Variants in RNF138 observed in about 807,000 individuals in gnomAD.
RNF138 encodes E3 ubiquitin-protein ligase RNF138.
RNF138 carries 12 observed loss-of-function variants against 31.0 expected under a neutral mutation model. The ratio of observed to expected loss-of-function variants is 0.39; its 90% CI spans 0.25 to 0.63. The LOEUF (loss-of-function observed/expected upper bound fraction) is 0.63. RNF138 is among the 20% of genes least tolerant of loss of function. The pLI is 0.52. For missense variants in RNF138, 192 were observed against 300.1 expected (o/e 0.64, Z 2.66); for synonymous variants, 105 against 99.5 (o/e 1.06, Z -0.33).
intron 2 of RNF138, among the ~76,000 whole-genome samples, chr18:32,102,445 C>T (rs1264155320): frequency 1.3e-5 from 2 of 151,936 alleles, no homozygotes; most frequent in Non-Finnish European, 2.9e-5. Context: ...TCGTGATCCG[C>T]CTGCCTCAGC....
At chr18:32,123,651 AC>A in intron 5 of RNF138, 77 bp downstream of exon 5, 1 of 1,005,250 alleles carries the variant, frequency 9.9e-7, no homozygotes, top group Non-Finnish European at 1.4e-6. Flanking sequence ...TTTAAATTAA[AC>A]TTTTTTTTTT....
intron 2 of RNF138, among the ~76,000 whole-genome samples, chr18:32,096,806 A>G (rs1043273438): frequency 6.6e-6 from 1 of 152,120 alleles, no homozygotes; most frequent in African/African-American, 2.4e-5. Flanking sequence ...AGCTTACTGC[A>G]GCCTCGACCT....
intron 4 of RNF138, among the ~76,000 whole-genome samples, chr18:32,120,678 A>AT (rs1330527932): frequency 6.6e-6 from 1 of 152,220 alleles, no homozygotes; most frequent in African/African-American, 2.4e-5. Context: ...AATGATGATG[A>AT]TGACAGTAAT....
intron 2 of RNF138, among the ~76,000 whole-genome samples, chr18:32,095,691 A>C (rs1261347503): frequency 1.3e-5 from 2 of 152,222 alleles, no homozygotes; most frequent in Non-Finnish European, 2.9e-5. Context: ...ACTACTGACT[A>C]TCCTAGTAAA....
Position 32,119,080 on chromosome 18 carries a change from T to G in RNF138, c.393-4438T>G, listed in dbSNP as rs997019680. On this transcript the variant is annotated intron_variant, in intron 4 of 7. Transcript: ENST00000261593. ...TCACATTTATTTGGGATGTATAATG[T>G]GAGGTAGGAAAAATTTTCCCCATGT... Among the ~76,000 whole-genome samples, 6 of 152,300 alleles carry G rather than the reference T, an allele frequency of 3.9e-5. No homozygotes were observed. In the South Asian group the frequency reaches 8.3e-4, roughly 21 times the overall value.
chr18:32,099,534 C>T (rs959330171), intron 2 of RNF138, among the ~76,000 whole-genome samples: 28 of 152,296 alleles, frequency 1.8e-4, no homozygotes, highest in Non-Finnish European at 3.2e-4. Context: ...TCCCGTGTAG[C>T]TGGAACTACA....
rs2040457405 is a variant in RNF138, at chr18:32,130,565, A to G, written c.*1378A>G. The G allele has an allele frequency of 6.6e-6, 1 of 152,488 alleles. No homozygotes were observed. Among genetic ancestry groups the G allele is most frequent in the South Asian group, 2.1e-4 (1 of 4,832 alleles). The allele number at this position is 152,488 out of a possible 1,614,324, so 9.4% of individuals were successfully genotyped here. ...TGCTTTCTTTAAAATAACTAGAAGA[A>G]CATAAAAGAAAGAGAATCTCAGAAG... On this transcript the variant is annotated 3_prime_UTR_variant, in exon 8 of 8. Transcript: ENST00000261593.
chr18:32,127,334 G>A (rs2040400035), intron 7 of RNF138, among the ~76,000 whole-genome samples: 1 of 152,126 alleles, frequency 6.6e-6, no homozygotes, highest in Non-Finnish European at 1.5e-5. Flanking sequence ...GGATTAATTT[G>A]TACTTCTAAA....
chr18:32,102,954 A>G (rs1016212201), intron 2 of RNF138, among the ~76,000 whole-genome samples: 1 of 152,158 alleles, frequency 6.6e-6, no homozygotes, highest in Admixed American at 6.6e-5. Context: ...CTAACAAAAT[A>G]GTTTTGTGAT....
intron 2 of RNF138, among the ~76,000 whole-genome samples, chr18:32,109,753 G>T (rs2040095806): frequency 6.6e-6 from 1 of 152,120 alleles, no homozygotes; most frequent in Non-Finnish European, 1.5e-5. Context: ...CGTCGCAGTG[G>T]TGCATGCCTG....
chr18:32,110,484 C>G (rs901944766), intron 2 of RNF138, among the ~76,000 whole-genome samples: 2 of 152,128 alleles, frequency 1.3e-5, no homozygotes, highest in African/African-American at 4.8e-5. Context: ...AGTGAGGAAA[C>G]TGATATTAGA....
chr18:32,103,607 T>C (rs1290632913), intron 2 of RNF138, among the ~76,000 whole-genome samples: 1 of 152,168 alleles, frequency 6.6e-6, no homozygotes. Flanking sequence ...CCACAAAATA[T>C]TTTTATTATC....
intron 2 of RNF138, among the ~76,000 whole-genome samples, chr18:32,094,136 G>T (rs893969766): frequency 2.0e-5 from 3 of 151,988 alleles, no homozygotes; most frequent in Non-Finnish European, 4.4e-5. Context: ...TGAAAGTTAC[G>T]TGTGTTTGCA....
intron 2 of RNF138, among the ~76,000 whole-genome samples, chr18:32,109,903 A>G (rs994689976): frequency 6.6e-6 from 1 of 152,294 alleles, no homozygotes; most frequent in African/African-American, 2.4e-5. Context: ...TAAAATAAAT[A>G]AAACTAGTTT....
intron 2 of RNF138, among the ~76,000 whole-genome samples, chr18:32,098,817 C>T (rs1364474330): frequency 6.8e-6 from 1 of 147,162 alleles, no homozygotes; most frequent in Non-Finnish European, 1.5e-5. Context: ...GGTGCCACTG[C>T]ACTCCAGCCC....
chr18:32,115,597 T>A (rs1291895718), intron 4 of RNF138, among the ~76,000 whole-genome samples: 1 of 152,014 alleles, frequency 6.6e-6, no homozygotes, highest in African/African-American at 2.4e-5. Context: ...ATACAAAAAT[T>A]AGCTGGACGT....
chr18:32,114,566 A>G (rs2144250334), intron 4 of RNF138, among the ~76,000 whole-genome samples: 1 of 152,280 alleles, frequency 6.6e-6, no homozygotes, highest in Non-Finnish European at 1.5e-5. Context: ...AGATGCAACC[A>G]CTATTCTCTT....
intron 2 of RNF138, among the ~76,000 whole-genome samples, chr18:32,095,612 T>G (rs2039791080): frequency 6.6e-6 from 1 of 152,200 alleles, no homozygotes; most frequent in African/African-American, 2.4e-5. Flanking sequence ...GATAAGGGCT[T>G]TGGGTTACTG....
intron 2 of RNF138, among the ~76,000 whole-genome samples, chr18:32,097,912 T>TTG (rs1004366381): frequency 5.3e-5 from 8 of 150,310 alleles, no homozygotes; most frequent in South Asian, 2.1e-4. Flanking sequence ...GTATGTGTAT[T>TTG]TGTGTGTGTG....
Sources: allele counts gnomAD v4.1 joint callset (sites outside exome capture counted in the v4.1 genomes callset), GRCh38; gene constraint gnomAD v4.1.1; transcripts MANE v1.5; gene names NCBI Gene and HGNC (gene_info 2026-07-23, HGNC 2026-07-21).